Variants in MEGF10 observed in about 807,000 individuals in gnomAD.
MEGF10 encodes multiple EGF like domains 10, also known as multiple epidermal growth factor-like domains protein 10.
Under a neutral mutation model 147.5 loss-of-function variants are expected in MEGF10, and 86 were observed. The ratio of observed to expected loss-of-function variants is 0.58; its 90% CI spans 0.49 to 0.70. The LOEUF is 0.70. Among genes scored for constraint, MEGF10 ranks in the 30% least tolerant of loss-of-function variants. The probability of loss-of-function intolerance (pLI) is 0.00; values close to 1 mark genes in which losing one functional copy is unlikely to be tolerated. For synonymous variants in MEGF10, 478 were observed against 525.5 expected (o/e 0.91, Z 1.24); for missense variants, 1,329 against 1,487.3 (o/e 0.89, Z 1.75).
At chr5:127,300,761 C>A (rs1285661022) in intron 1 of MEGF10, among the ~76,000 whole-genome samples, 1 of 152,216 alleles carries the variant, frequency 6.6e-6, no homozygotes, top group East Asian at 1.9e-4. Flanking sequence ...CCCATCAATT[C>A]ACCCTTACTT....
rs1476265236 is a variant in MEGF10, at chr5:127,369,997, C to T, written c.407C>T (p.Ser136Phe). Residue 136 changes from serine (S) to phenylalanine (F), a missense_variant, in exon 5 of 25, where the codon TCC becomes TTC. Physicochemically the swap from Ser to Phe is radical, Grantham distance 155. This residue lies in a region of MEGF10 where 980 missense variants were observed against 1,085.9 expected (regional missense o/e 0.90). Transcript: ENST00000503335. ...CCTGGCTGGGGAGGGACCAACTGCT[C>T]CAGTGGTAAGTTTCCACCTGCTGTT... ...CEPGWGGTNC[S>F]SACDGDHWGP... 2 of 1,612,610 alleles carry T rather than the reference C, an allele frequency of 1.2e-6. No individual in the cohort carries two copies. Among genetic ancestry groups the T allele is most frequent in the Admixed American group, 3.3e-5 (2 of 59,928 alleles).
At chr5:127,412,547 TAAC>T (rs1580836645) in intron 9 of MEGF10, among the ~76,000 whole-genome samples, 2 of 152,322 alleles carry the variant, frequency 1.3e-5, no homozygotes, top group South Asian at 2.1e-4. Flanking sequence ...ATTAATGAGA[TAAC>T]AAATACAGTG....
At chr5:127,324,587 A>T (rs1760926613) in intron 1 of MEGF10, among the ~76,000 whole-genome samples, 2 of 152,078 alleles carry the variant, frequency 1.3e-5, no homozygotes, top group South Asian at 4.1e-4. Flanking sequence ...TCCACTTCAC[A>T]CGTGAGTGCA....
chr5:127,231,095 A>G, the MEGF10 span, among the ~76,000 whole-genome samples: 2 of 152,206 alleles, frequency 1.3e-5, no homozygotes, highest in African/African-American at 4.8e-5. Context: ...TCAGCTCTAA[A>G]GAACTGAATC....
the MEGF10 span, among the ~76,000 whole-genome samples, chr5:127,239,415 ACG>A: frequency 8.6e-5 from 12 of 140,146 alleles, no homozygotes; most frequent in African/African-American, 3.2e-4. Flanking sequence ...ACACACACAC[ACG>A]GGAGAGAGAG....
chr5:127,408,082 G>A (rs1455755395), intron 8 of MEGF10, among the ~76,000 whole-genome samples: 2 of 152,130 alleles, frequency 1.3e-5, no homozygotes, highest in Admixed American at 6.5e-5. Flanking sequence ...GTAAATGTGG[G>A]TCAAGGCCAG....
In MEGF10 at chr5:127,331,329, A is replaced by G; in HGVS notation, c.21A>G (p.Ser7=). 3 of 1,611,342 alleles carry G rather than the reference A, an allele frequency of 1.9e-6. No individual in the cohort carries two copies. Among genetic ancestry groups the G allele is most frequent in the South Asian group, 1.1e-5 (1 of 90,686 alleles). MVISLN[S]CLSFICLLLC... The stretch of plus-strand genomic sequence containing the variant: ...AAAAAATGGTTATTTCTTTGAACTC[A>G]TGCCTGAGCTTTATTTGTTTATTGT... Residue 7 remains serine, a synonymous_variant, in exon 2 of 25, where the codon TCA becomes TCG. Coordinates refer to ENST00000503335, the MANE Select transcript of MEGF10 (RefSeq NM_001256545.2).
Position 127,460,801 on chromosome 5 carries a change from A to C in MEGF10, c.*3483A>C, listed in dbSNP as rs1325928519. 1 of 150,710 alleles carries C rather than the reference A, an allele frequency of 6.6e-6. No individual in the cohort carries two copies. Among genetic ancestry groups the C allele is most frequent in the Non-Finnish European group, 1.5e-5 (1 of 67,632 alleles). The allele number at this position is 150,710 out of a possible 1,614,324, so 9.3% of individuals were successfully genotyped here. A position where few individuals can be genotyped will look rare whatever the true frequency, so the allele number is the denominator to read the frequency against. ...TCTAGGCAACATGTCTTTATTATTC[A>C]AGCTGAATGTTTAAGAGAGATTTTG... On this transcript the variant is annotated 3_prime_UTR_variant, in exon 25 of 25. Coordinates refer to ENST00000503335, the MANE Select transcript of MEGF10 (RefSeq NM_001256545.2).
chr5:127,415,217 T>C (rs1429865929), intron 9 of MEGF10, among the ~76,000 whole-genome samples: 1 of 152,126 alleles, frequency 6.6e-6, no homozygotes, highest in African/African-American at 2.4e-5. Context: ...TTAGGGTGAT[T>C]GTATATCAGG....
At position 127,432,564 on chromosome 5, in the gene MEGF10, C is replaced by T. The variant is rs1037106575; in HGVS notation, c.1694-799C>T. ...TGAGGAATTCTGGCAAGAAAGAGGCCCCTGTTGTATTTCCAATACGAATGT... is the reference window on the plus strand; with the variant it reads ...TGAGGAATTCTGGCAAGAAAGAGGCTCCTGTTGTATTTCCAATACGAATGT... On this transcript the variant is annotated intron_variant, in intron 13 of 24. Transcript: ENST00000503335. Among the ~76,000 whole-genome samples the T allele has an allele frequency of 5.9e-5, 9 of 152,184 alleles. No homozygotes were observed. The East Asian group carries it at 9.6e-4, about 16-fold the overall frequency.
Position 127,396,624 on chromosome 5 carries a change from T to G in MEGF10, c.505T>G (p.Cys169Gly), listed in dbSNP as rs1223549168. The change falls in exon 6 of 25, where the codon TGT becomes GGT. Residue 169 changes from cysteine (C) to glycine (G), a missense_variant. Cys to Gly is a radical substitution (Grantham distance 159). This residue lies in a region of MEGF10 where 980 missense variants were observed against 1,085.9 expected (regional missense o/e 0.90). Transcript: ENST00000503335. ...LCNPITGACH[C>G]AAGFRGWRCE... The stretch of plus-strand genomic sequence containing the variant: ...CAACCCCATCACCGGGGCTTGCCAC[T>G]GTGCTGCGGGCTTCCGGGGCTGGCG... 5 of 1,613,812 alleles carry G rather than the reference T, an allele frequency of 3.1e-6. No individual in the cohort carries two copies. Among genetic ancestry groups the G allele is most frequent in the Non-Finnish European group, 3.4e-6 (4 of 1,179,822 alleles).
At chr5:127,388,517 T>TTTTTTTTATTTA (rs1192575934) in intron 5 of MEGF10, among the ~76,000 whole-genome samples, 1 of 141,970 alleles carries the variant, frequency 7.0e-6, no homozygotes, top group African/African-American at 2.6e-5. Flanking sequence ...TCTTTTTTCT[T>TTTTTTTTATTTA]TTTATTTATT....
At chr5:127,296,344 C>A (rs1324627964) in intron 1 of MEGF10, among the ~76,000 whole-genome samples, 1 of 152,156 alleles carries the variant, frequency 6.6e-6, no homozygotes, top group Non-Finnish European at 1.5e-5. Flanking sequence ...TCTCTTATTT[C>A]ATTTCTAGTG....
In MEGF10 at chr5:127,356,314, T is replaced by C. The variant is rs79657160; in HGVS notation, c.320-13596T>C. On this transcript the variant is annotated intron_variant, in intron 4 of 24. Coordinates refer to ENST00000503335, the MANE Select transcript of MEGF10 (RefSeq NM_001256545.2). ...GGGAGAGATTGATGCGCTGGTAGAA[T>C]CAATGCTGCACTGACATTCTTCTTT... 9.0e-3 allele frequency among the ~76,000 whole-genome samples: 1,378 copies of C among 152,302 alleles called. 19 individuals carry two copies. Among genetic ancestry groups the C allele is most frequent in the African/African-American group, 0.031 (1,296 of 41,564 alleles).
the MEGF10 span, among the ~76,000 whole-genome samples, chr5:127,251,215 T>C: frequency 6.6e-6 from 1 of 152,024 alleles, no homozygotes; most frequent in Admixed American, 6.6e-5. Flanking sequence ...TATAAAAGTA[T>C]AGGGTTTGCG....
At chr5:127,408,945 C>T (rs898066034) in intron 8 of MEGF10, among the ~76,000 whole-genome samples, 1 of 152,048 alleles carries the variant, frequency 6.6e-6, no homozygotes, top group Non-Finnish European at 1.5e-5. Flanking sequence ...GACATGGTGG[C>T]GAGTGCCTGT....
upstream of MEGF10, among the ~76,000 whole-genome samples, chr5:127,290,002 A>G (rs1759166829): frequency 6.6e-6 from 1 of 152,202 alleles, no homozygotes; most frequent in Non-Finnish European, 1.5e-5. Context: ...CAGTCAGAGA[A>G]GCAGATTCCA....
chr5:127,414,339 A>G (rs1177909624), intron 9 of MEGF10, among the ~76,000 whole-genome samples: 1 of 151,052 alleles, frequency 6.6e-6, no homozygotes, highest in Non-Finnish European at 1.5e-5. Flanking sequence ...CTAGGCCTCT[A>G]TTTTCTCATT....
chr5:127,352,632 A>C (rs1013393818), intron 4 of MEGF10, among the ~76,000 whole-genome samples: 45 of 152,112 alleles, frequency 3.0e-4, no homozygotes, highest in African/African-American at 1.1e-3. Context: ...GCGACATTGC[A>C]CTTCAGCCTG....
Sources: allele counts gnomAD v4.1 joint callset (sites outside exome capture counted in the v4.1 genomes callset), GRCh38; gene constraint gnomAD v4.1.1; regional missense constraint gnomAD v4.1.1; transcripts MANE v1.5; gene names NCBI Gene and HGNC (gene_info 2026-07-23, HGNC 2026-07-21).